The following AVIL variants were observed in gnomAD, a reference collection of about 807,000 sequenced individuals.
The protein encoded by AVIL is advillin.
Under a neutral mutation model 109.9 loss-of-function variants are expected in AVIL, and 78 were observed. The observed-to-expected ratio is 0.71, with a 90% CI of 0.59 to 0.86. The LOEUF is 0.86. Among genes scored for constraint, AVIL ranks in the 40% least tolerant of loss-of-function variants. The pLI is 0.00. For missense variants in AVIL, 892 were observed against 1,016.5 expected, an observed-to-expected ratio of 0.88 and a Z score of 1.67; for synonymous variants, 367 against 379.1, an observed-to-expected ratio of 0.97 and a Z score of 0.37.
chr12:57,808,294 G>T lies in AVIL; in HGVS notation c.1094C>A (p.Ala365Asp). ...ATCAAATTTATCCTGGAAAACTTTA[G>T]CTGTGGAGAAAGGGTTGGGAAAAGC... The part of the protein sequence containing the change: ...LGKTFSIGKI[A>D]KVFQDKFDVT... The change falls in exon 11 of 20, where the codon GCT becomes GAT. Residue 365 changes from alanine (A) to aspartate (D), a missense_variant and splice_region_variant. Coordinates refer to ENST00000549994, the MANE Select transcript of AVIL (RefSeq NM_006576.4). 1 of 1,614,208 alleles carries T rather than the reference G, an allele frequency of 6.2e-7. No individual in the cohort carries two copies. Among genetic ancestry groups the T allele is most frequent in the Non-Finnish European group, 8.5e-7 (1 of 1,180,018 alleles).
intron 14 of AVIL, among the ~76,000 whole-genome samples, chr12:57,805,005 A>C (rs1416494207): frequency 3.3e-5 from 5 of 152,128 alleles, no homozygotes; most frequent in Admixed American, 2.6e-4. Flanking sequence ...CTCCCTAGTG[A>C]CTAATGATGT....
At chr12:57,802,704 A>C (rs866050921) in intron 16 of AVIL, 12 of 611,162 alleles carry the variant, frequency 2.0e-5, no homozygotes, top group Non-Finnish European at 2.6e-5. Flanking sequence ...CTGAGTCTCC[A>C]CTTTTGATAG....
At chr12:57,812,493 C>G (rs1368638899) in intron 4 of AVIL, among the ~76,000 whole-genome samples, 2 of 152,202 alleles carry the variant, frequency 1.3e-5, no homozygotes, top group Non-Finnish European at 2.9e-5. Flanking sequence ...TCCCGAGTAG[C>G]TGGGATTACA....
At chr12:57,798,572 G>A (rs564168563) in intron 19 of AVIL, among the ~76,000 whole-genome samples, 1 of 151,902 alleles carries the variant, frequency 6.6e-6, no homozygotes, top group East Asian at 1.9e-4. Flanking sequence ...CAGAGTCTGT[G>A]CCTAAATCAA....
chr12:57,813,469 C>G (rs753985341), intron 3 of AVIL, 46 bp from the exon 4 acceptor site: 5 of 1,568,810 alleles, frequency 3.2e-6, no homozygotes, highest in African/African-American at 1.4e-5. Context: ...GCTCACCTCC[C>G]CTTTGCTGCT....
rs935852932 is a variant in AVIL, at chr12:57,813,800, A to G, written c.141+352T>C. ...CGACCCTGTCAGCACCGTTCATGTG[A>G]GTCTCCTCCATGAGAATAGCACTTT... On this transcript the variant is annotated intron_variant, in intron 3 of 19. Coordinates refer to ENST00000549994, the MANE Select transcript of AVIL (RefSeq NM_006576.4). 2.4e-4 allele frequency among the ~76,000 whole-genome samples: 36 copies of G among 152,294 alleles called. 1 individual carries two copies. Among genetic ancestry groups the G allele is most frequent in the South Asian group, 8.3e-4 (4 of 4,828 alleles).
At chr12:57,807,247 T>C in intron 13 of AVIL, 84 bp downstream of exon 13, 1 of 1,523,116 alleles carries the variant, frequency 6.6e-7, no homozygotes. Context: ...ACCCCACCCC[T>C]CCTCTGCTCT....
chr12:57,809,558 A>C (rs748036777), intron 9 of AVIL, 39 bp downstream of exon 9: 1 of 1,607,494 alleles, frequency 6.2e-7, no homozygotes, highest in Non-Finnish European at 8.5e-7. Flanking sequence ...TGCTCTTAGC[A>C]GAATTATTTG....
rs1381350202 is a variant in AVIL at position 57,810,813 on chromosome 12, T to C, written c.558+3A>G. On this transcript the variant is annotated splice_donor_region_variant and intron_variant, in intron 6 of 19. Coordinates refer to ENST00000549994, the MANE Select transcript of AVIL (RefSeq NM_006576.4). ...AGAAAGTGCTAAGGCTAGGAAGCCA[T>C]ACCTTCAGGCGCTCCCCACTGTTGC... 2 of 1,613,818 alleles carry C rather than the reference T, an allele frequency of 1.2e-6. No individual in the cohort carries two copies. The highest frequency in any genetic ancestry group is 3.3e-5 in the Admixed American group (2 of 60,030).
intron 16 of AVIL, chr12:57,802,657 A>G: frequency 1.5e-6 from 1 of 657,936 alleles, no homozygotes; most frequent in Non-Finnish European, 2.7e-6. Context: ...TAAAAATAAC[A>G]CCTTCAGGAT....
rs1172347120 is a variant in AVIL at position 57,803,365 on chromosome 12, T to C, written c.1844A>G (p.Gln615Arg). 1 of 1,614,224 alleles carries C rather than the reference T, an allele frequency of 6.2e-7. No homozygotes were observed. The highest frequency in any genetic ancestry group is 1.7e-5 in the Admixed American group (1 of 60,032). The part of the protein sequence containing the change: ...KRLQQEILDV[Q>R]SRLFECSNKT... Reference sequence around the variant, plus strand: ...ATTGGAACATTCAAAGAGACGAGACTGGACATCTAGGATTTCCTGCTGAAG... The same window carrying C: ...ATTGGAACATTCAAAGAGACGAGACCGGACATCTAGGATTTCCTGCTGAAG... The change falls in exon 16 of 20, where the codon CAG (glutamine) becomes CGG (arginine). Residue 615 changes from glutamine to arginine, a missense_variant. Coordinates refer to ENST00000549994, the MANE Select transcript of AVIL (RefSeq NM_006576.4).
Position 57,809,670 on chromosome 12 carries a change from C to T in AVIL, c.866G>A (p.Gly289Glu), listed in dbSNP as rs761110434. ...HDDCYILDQS[G>E]TKIYVWKGKG... ...TCCTTTCCACACGTAGATTTTGGTT[C>T]CACTTTGGTCCAGGATGTAGCAGTC... Residue 289 changes from glycine to glutamate, a missense_variant, in exon 9 of 20, where the codon GGA (glycine) becomes GAA (glutamate). By Grantham distance (98) the Gly-to-Glu change is moderately conservative. Transcript: ENST00000549994. 2.0e-5 allele frequency: 33 copies of T among 1,614,158 alleles called. No individual in the cohort carries two copies. In the South Asian group the frequency reaches 3.4e-4, roughly 17 times the overall value.
intron 19 of AVIL, among the ~76,000 whole-genome samples, chr12:57,798,465 C>T (rs1188603154): frequency 6.6e-6 from 1 of 152,008 alleles, no homozygotes; most frequent in Admixed American, 6.6e-5. Context: ...TATTTATATA[C>T]AAGTAAAGAT....
intron 6 of AVIL, 125 bp downstream of exon 6, chr12:57,810,691 C>A: frequency 7.3e-7 from 1 of 1,367,706 alleles, no homozygotes; most frequent in Non-Finnish European, 1.0e-6. Flanking sequence ...AACTCACACA[C>A]TTGGCCTGTC....
chr12:57,803,941 T>G lies in AVIL; in HGVS notation c.1672-272A>C, dbSNP rs569650721. 80 of 355,884 alleles carry G rather than the reference T, an allele frequency of 2.2e-4. 1 individual carries two copies. In the East Asian group the frequency reaches 3.5e-3, roughly 16 times the overall value. The allele number at this position is 355,884 out of a possible 1,614,324, so 22.0% of individuals were successfully genotyped here. A position where few individuals can be genotyped will look rare whatever the true frequency, so the allele number is the denominator to read the frequency against. The stretch of plus-strand genomic sequence containing the variant: ...CTTCAGTTTGAATTTAGGCACCTAC[T>G]TTTGATTTTTATTTTAGAGAAAAAA... On this transcript the variant is annotated intron_variant, in intron 14 of 19. Transcript: ENST00000549994.
At chr12:57,815,584 C>G in intron 2 of AVIL, 2 of 1,262,230 alleles carry the variant, frequency 1.6e-6, no homozygotes, top group Non-Finnish European at 2.0e-6. Flanking sequence ...TCACCTCTCC[C>G]CATATTTTGT....
intron 1 of AVIL, among the ~76,000 whole-genome samples, chr12:57,818,059 C>T (rs780813237): frequency 1.3e-5 from 2 of 151,968 alleles, no homozygotes; most frequent in Admixed American, 1.3e-4. Flanking sequence ...TGCTCTGTCA[C>T]CCAGGCTGGA....
Position 57,809,898 on chromosome 12 carries a change from AG to A in AVIL, c.762-9del. On this transcript the variant is annotated splice_polypyrimidine_tract_variant and intron_variant, in intron 7 of 19. Coordinates refer to ENST00000549994, the MANE Select transcript of AVIL (RefSeq NM_006576.4). Reference sequence around the variant, plus strand: ...CCAGCTGAATCTGAGATACTGGAGAAGGGGAGAGGTTAGCCTGTGCCTTTTC... The same window carrying A: ...CCAGCTGAATCTGAGATACTGGAGAAGGGAGAGGTTAGCCTGTGCCTTTTC... 1 of 1,613,924 alleles carries A rather than the reference AG, an allele frequency of 6.2e-7. No homozygotes were observed. Among genetic ancestry groups the A allele is most frequent in the Non-Finnish European group, 8.5e-7 (1 of 1,179,854 alleles).
At position 57,815,956 on chromosome 12, in the gene AVIL, T is replaced by C. The variant is rs769833132; in HGVS notation, c.66+19A>G. ...CAGATGCCAGTGGTCACAAGTAAGGTGCCTCCAGCCCAGCTCACCTCTATT... is the reference window on the plus strand; with the variant it reads ...CAGATGCCAGTGGTCACAAGTAAGGCGCCTCCAGCCCAGCTCACCTCTATT... On this transcript the variant is annotated intron_variant, in intron 2 of 19. Transcript: ENST00000549994. The C allele has an allele frequency of 6.2e-7, 1 of 1,613,910 alleles. No homozygotes were observed. The highest frequency in any genetic ancestry group is 2.2e-5 in the East Asian group (1 of 44,880).
Sources: allele counts gnomAD v4.1 joint callset (sites outside exome capture counted in the v4.1 genomes callset), GRCh38; gene constraint gnomAD v4.1.1; transcripts MANE v1.5; gene names NCBI Gene and HGNC (gene_info 2026-07-23, HGNC 2026-07-21).